Variants in GSTCD observed in about 807,000 individuals in gnomAD.
The protein encoded by GSTCD is glutathione S-transferase C-terminal domain-containing protein.
GSTCD carries 44 observed loss-of-function variants against 68.3 expected under a neutral mutation model. That is an observed-to-expected ratio of 0.64 (90% CI 0.51 to 0.83). GSTCD has a LOEUF of 0.83. GSTCD is among the 40% of genes least tolerant of loss of function. GSTCD has a pLI of 0.00. For synonymous variants in GSTCD, 273 were observed against 255.2 expected, an observed-to-expected ratio of 1.07 and a Z score of -0.67; for missense variants, 739 against 735.9, an observed-to-expected ratio of 1.00 and a Z score of -0.05.
At chr4:105,795,853 CT>C (rs1735865471) in intron 5 of GSTCD, among the ~76,000 whole-genome samples, 1 of 151,772 alleles carries the variant, frequency 6.6e-6, no homozygotes. Context: ...TTTTCAGAGT[CT>C]TTTTTTCTAA....
At chr4:105,729,974 A>G (rs996383557) in intron 5 of GSTCD, among the ~76,000 whole-genome samples, 2 of 151,926 alleles carry the variant, frequency 1.3e-5, no homozygotes, top group Non-Finnish European at 1.5e-5. Context: ...CTTCTCACCT[A>G]TGAGTGAGAA....
At chr4:105,740,382 T>C (rs1185489542) in intron 5 of GSTCD, among the ~76,000 whole-genome samples, 1 of 152,102 alleles carries the variant, frequency 6.6e-6, no homozygotes, top group Non-Finnish European at 1.5e-5. Flanking sequence ...TGATCCCTGC[T>C]GGGGAATGGG....
chr4:105,742,851 A>G (rs1733674936), intron 5 of GSTCD, among the ~76,000 whole-genome samples: 1 of 151,776 alleles, frequency 6.6e-6, no homozygotes, highest in Admixed American at 6.6e-5. Flanking sequence ...ATTAGCTAGG[A>G]CTACAGGTGC....
chr4:105,820,123 T>C (rs1289777523), intron 5 of GSTCD, among the ~76,000 whole-genome samples: 1 of 151,578 alleles, frequency 6.6e-6, no homozygotes, highest in Non-Finnish European at 1.5e-5. Context: ...TGTACACATT[T>C]TCCAGTGATT....
At chr4:105,717,497 C>G in intron 1 of GSTCD, 96 bp from the exon 2 acceptor site, 1 of 790,376 alleles carries the variant, frequency 1.3e-6, no homozygotes, top group Non-Finnish European at 2.0e-6. Flanking sequence ...CAAATTTTTA[C>G]TGATTTCTAG....
chr4:105,722,640 A>G (rs759527462), intron 3 of GSTCD, among the ~76,000 whole-genome samples: 6 of 152,042 alleles, frequency 3.9e-5, no homozygotes, highest in Non-Finnish European at 5.9e-5. Context: ...TAGATGCAAC[A>G]TCTTGCTTCT....
chr4:105,772,875 A>G (rs1040345471), intron 5 of GSTCD, among the ~76,000 whole-genome samples: 1 of 152,212 alleles, frequency 6.6e-6, no homozygotes, highest in African/African-American at 2.4e-5. Context: ...GCCTCATAAA[A>G]TGAGTTAGGG....
At chr4:105,733,287 G>C (rs1733323342) in intron 5 of GSTCD, among the ~76,000 whole-genome samples, 1 of 152,182 alleles carries the variant, frequency 6.6e-6, no homozygotes, top group Non-Finnish European at 1.5e-5. Context: ...TGACAGTGGG[G>C]TGTTAAAATC....
chr4:105,825,999 C>T (rs944028109), intron 8 of GSTCD, 199 bp downstream of exon 8: 1 of 247,830 alleles, frequency 4.0e-6, no homozygotes, highest in Non-Finnish European at 7.8e-6. Context: ...ACAGAGATAA[C>T]ATTGGCTCCT....
intron 5 of GSTCD, among the ~76,000 whole-genome samples, chr4:105,763,634 A>T (rs1375140787): frequency 6.6e-6 from 1 of 152,154 alleles, no homozygotes; most frequent in East Asian, 1.9e-4. Context: ...TTACTATATC[A>T]TGTATCTTAT....
chr4:105,788,663 TAAAGAGCTTTAGAATAAAGTTTTCAG>T (rs1735554503), intron 5 of GSTCD, among the ~76,000 whole-genome samples: 2 of 152,090 alleles, frequency 1.3e-5, no homozygotes, highest in African/African-American at 4.8e-5. Context: ...TATCACAGTC[TAAAGAGCTTTAGAATAAAGTTTTCAG>T]AAAGAGCTTT....
chr4:105,735,503 C>T (rs774868882), intron 5 of GSTCD, among the ~76,000 whole-genome samples: 2 of 152,182 alleles, frequency 1.3e-5, no homozygotes, highest in African/African-American at 2.4e-5. Flanking sequence ...CCTGGTGTGC[C>T]GTTTGCTAAG....
At chr4:105,754,465 G>A (rs1734113393) in intron 5 of GSTCD, among the ~76,000 whole-genome samples, 1 of 151,744 alleles carries the variant, frequency 6.6e-6, no homozygotes, top group African/African-American at 2.4e-5. Context: ...GCTTATTTGT[G>A]GAAAATTGTT....
chr4:105,786,631 A>G (rs183439048), intron 5 of GSTCD, among the ~76,000 whole-genome samples: 1 of 152,024 alleles, frequency 6.6e-6, no homozygotes, highest in East Asian at 1.9e-4. Context: ...ATAAAGCAAT[A>G]TTATTTCCAT....
chr4:105,712,650 G>A (rs1732571702), intron 1 of GSTCD: 1 of 152,246 alleles, frequency 6.6e-6, no homozygotes, highest in Non-Finnish European at 1.5e-5. Flanking sequence ...GTCCTTGTAA[G>A]CACTGGCGAT....
At chr4:105,742,723 T>A (rs1733670180) in intron 5 of GSTCD, among the ~76,000 whole-genome samples, 2 of 150,058 alleles carry the variant, frequency 1.3e-5, no homozygotes, top group Non-Finnish European at 3.0e-5. Context: ...TTTTTTTTTT[T>A]TATTTCTTAG....
chr4:105,767,699 G>T (rs1189932729), intron 5 of GSTCD, among the ~76,000 whole-genome samples: 1 of 152,160 alleles, frequency 6.6e-6, no homozygotes, highest in Non-Finnish European at 1.5e-5. Context: ...ATAAGCCTGT[G>T]TCTCTCCTTC....
At position 105,845,777 on chromosome 4, in the gene GSTCD, G is replaced by T; in HGVS notation, c.*200G>T. The T allele has an allele frequency of 1.8e-6, 1 of 554,666 alleles. No homozygotes were observed. The highest frequency in any genetic ancestry group is 3.2e-6 in the Non-Finnish European group (1 of 312,448). 34.4% of individuals were successfully genotyped at this position (554,666 alleles called of 1,614,324 possible). On this transcript the variant is annotated 3_prime_UTR_variant, in exon 12 of 12. Coordinates refer to ENST00000515279, the MANE Select transcript of GSTCD (RefSeq NM_001370181.1). ...AAATGCTTTACAATGTGTGATTAAA[G>T]GACTGCTGGTTTTTATAGTGAGAAT...
intron 8 of GSTCD, chr4:105,826,262 G>C (rs1279495988): frequency 6.6e-6 from 1 of 152,034 alleles, no homozygotes; most frequent in African/African-American, 2.4e-5. Flanking sequence ...GGTTCCAAGA[G>C]AGAAAGTATA....
Sources: gnomAD v4.1 joint callset for allele counts (sites outside exome capture counted in the v4.1 genomes callset) on GRCh38, gnomAD v4.1.1 for gene constraint, MANE v1.5 for transcripts, NCBI Gene and HGNC (gene_info 2026-07-23, HGNC 2026-07-21) for gene names.